Variants in NSMCE2 observed in about 807,000 individuals in gnomAD.
NSMCE2 encodes E3 SUMO-protein ligase NSE2.
In NSMCE2, 24 loss-of-function variants were observed where a neutral mutation model predicts 23.8. The observed-to-expected ratio is 1.01, with a 90% confidence interval of 0.73 to 1.42. The LOEUF is 1.42. Ranked by LOEUF, NSMCE2 falls within the 40% of genes most tolerant of loss-of-function variation. The probability of loss-of-function intolerance (pLI) is 0.00; values close to 1 mark genes in which losing one functional copy is unlikely to be tolerated. For synonymous variants in NSMCE2, 92 were observed against 94.1 expected, an observed-to-expected ratio of 0.98 and a Z score of 0.13; for missense variants, 284 against 296.5, an observed-to-expected ratio of 0.96 and a Z score of 0.31.
At chr8:125,104,772 C>T (rs541520334) in intron 3 of NSMCE2, among the ~76,000 whole-genome samples, 34 of 152,278 alleles carry the variant, frequency 2.2e-4, no homozygotes, top group African/African-American at 7.5e-4. Flanking sequence ...CATGGTGGCT[C>T]CTACCTGTAA....
At chr8:125,272,277 G>A (rs1344462258) in intron 5 of NSMCE2, among the ~76,000 whole-genome samples, 1 of 151,984 alleles carries the variant, frequency 6.6e-6, no homozygotes, top group Non-Finnish European at 1.5e-5. Context: ...GCCTCCCAAA[G>A]TGCTGGGATT....
At chr8:125,365,767 G>A (rs1343425181) in intron 7 of NSMCE2, among the ~76,000 whole-genome samples, 1 of 152,176 alleles carries the variant, frequency 6.6e-6, no homozygotes, top group African/African-American at 2.4e-5. Flanking sequence ...TGATGCAGGA[G>A]AATTGCTTGA....
At chr8:125,327,815 A>G (rs748026811) in intron 5 of NSMCE2, among the ~76,000 whole-genome samples, 1 of 152,210 alleles carries the variant, frequency 6.6e-6, no homozygotes, top group Non-Finnish European at 1.5e-5. Flanking sequence ...GCATGACTGT[A>G]TTAGGTAACT....
rs142602692 is a variant in NSMCE2 at position 125,290,085 on chromosome 8, T to C, written c.419-67134T>C. 5.2e-3 allele frequency among the ~76,000 whole-genome samples: 797 copies of C among 152,266 alleles called. 5 individuals are homozygous for C. Among genetic ancestry groups the C allele is most frequent in the African/African-American group, 0.018 (767 of 41,540 alleles). On this transcript the variant is annotated intron_variant, in intron 5 of 7. Coordinates refer to ENST00000287437, the MANE Select transcript of NSMCE2 (RefSeq NM_173685.4). ...ACTAGTGAGGAAAATGGGGAACTTC[T>C]AGACAAGCACCTGAGAAGCATTATT...
In NSMCE2 at chr8:125,272,014, C is replaced by CTTTT. The variant is rs563967898; in HGVS notation, c.419-85191_419-85188dup. On this transcript the variant is annotated intron_variant, in intron 5 of 7. Transcript: ENST00000287437. Reference sequence around the variant, plus strand: ...TGAATATTGAATCTGCAGTTTCTTTCTTTTTTTTTTTTTTTTTGAGACGGA... The same window carrying CTTTT: ...TGAATATTGAATCTGCAGTTTCTTTCTTTTTTTTTTTTTTTTTTTTTGAGACGGA... Among the ~76,000 whole-genome samples, 293 of 130,140 alleles carry CTTTT rather than the reference C, an allele frequency of 2.3e-3. 6 individuals are homozygous for CTTTT. Among genetic ancestry groups the CTTTT allele is most frequent in the African/African-American group, 7.6e-3 (263 of 34,410 alleles). The allele number at this position is 130,140 out of a possible 152,430, so 85.4% of individuals were successfully genotyped here. A position where few individuals can be genotyped will look rare whatever the true frequency, so the allele number is the denominator to read the frequency against.
intron 5 of NSMCE2, among the ~76,000 whole-genome samples, chr8:125,197,383 A>G (rs989447398): frequency 7.9e-5 from 12 of 152,206 alleles, no homozygotes; most frequent in Non-Finnish European, 1.0e-4. Flanking sequence ...TATAAGGTGT[A>G]AGGAAGGGAT....
At chr8:125,113,128 T>C (rs963628591) in intron 3 of NSMCE2, among the ~76,000 whole-genome samples, 2 of 151,960 alleles carry the variant, frequency 1.3e-5, no homozygotes, top group African/African-American at 4.8e-5. Context: ...TCTTTTTTGC[T>C]GATATCTTTG....
chr8:125,098,971 T>A (rs557151750), intron 1 of NSMCE2, among the ~76,000 whole-genome samples: 6 of 152,104 alleles, frequency 3.9e-5, no homozygotes, highest in Non-Finnish European at 7.3e-5. Flanking sequence ...CCACCTATAC[T>A]ACAGTTTTGG....
At chr8:125,145,201 C>T (rs1158893116) in intron 3 of NSMCE2, among the ~76,000 whole-genome samples, 1 of 152,166 alleles carries the variant, frequency 6.6e-6, no homozygotes, top group East Asian at 1.9e-4. Context: ...AGTAGCCCTT[C>T]CTGGTTTGAA....
chr8:125,267,275 A>G (rs1826962007), intron 5 of NSMCE2, among the ~76,000 whole-genome samples: 1 of 152,048 alleles, frequency 6.6e-6, no homozygotes, highest in South Asian at 2.1e-4. Flanking sequence ...TCCAAATGCT[A>G]GGATTACAGG....
chr8:125,192,581 T>G (rs1253375979), intron 5 of NSMCE2, among the ~76,000 whole-genome samples: 3 of 152,228 alleles, frequency 2.0e-5, no homozygotes, highest in African/African-American at 7.2e-5. Context: ...AGAAATGCAT[T>G]GTTGGTGAAC....
At chr8:125,306,436 C>T (rs1400738262) in intron 5 of NSMCE2, among the ~76,000 whole-genome samples, 5 of 152,004 alleles carry the variant, frequency 3.3e-5, no homozygotes, top group Admixed American at 2.6e-4. Flanking sequence ...ATTTAAATTT[C>T]TCTATCTCTC....
At chr8:125,294,765 T>C (rs575063925) in intron 5 of NSMCE2, among the ~76,000 whole-genome samples, 2 of 152,290 alleles carry the variant, frequency 1.3e-5, no homozygotes, top group East Asian at 1.9e-4. Flanking sequence ...TCTGGGAAAT[T>C]TGTTTTGCGC....
intron 5 of NSMCE2, among the ~76,000 whole-genome samples, chr8:125,314,204 G>A (rs12549738): frequency 0.44 from 66,906 of 152,126 alleles, 16,950 homozygotes; most frequent in East Asian, 0.55. Context: ...AAAAGCTTAT[G>A]CAAATCCCAT....
chr8:125,177,714 G>T (rs1456649028), intron 4 of NSMCE2, among the ~76,000 whole-genome samples: 1 of 152,124 alleles, frequency 6.6e-6, no homozygotes, highest in African/African-American at 2.4e-5. Flanking sequence ...AAGCTCACTT[G>T]CATCATTTTC....
chr8:125,213,794 G>A (rs1029066824), intron 5 of NSMCE2, among the ~76,000 whole-genome samples: 2 of 143,806 alleles, frequency 1.4e-5, no homozygotes, highest in East Asian at 4.2e-4. Flanking sequence ...ATTCTGAAAT[G>A]TGAGTTTTGT....
chr8:125,314,612 C>T (rs556558154), intron 5 of NSMCE2, among the ~76,000 whole-genome samples: 1 of 152,170 alleles, frequency 6.6e-6, no homozygotes, highest in Non-Finnish European at 1.5e-5. Context: ...TTTAGACACT[C>T]GATCACTCCC....
intron 5 of NSMCE2, among the ~76,000 whole-genome samples, chr8:125,283,051 T>C (rs1827755376): frequency 6.6e-6 from 1 of 152,266 alleles, no homozygotes. Flanking sequence ...GGGTATATTA[T>C]GTAACCTCTC....
intron 3 of NSMCE2, among the ~76,000 whole-genome samples, chr8:125,150,223 A>T (rs537042445): frequency 1.2e-4 from 19 of 152,230 alleles, no homozygotes; most frequent in Admixed American, 5.2e-4. Flanking sequence ...GTTCATCTTT[A>T]TACAAAGAGT....
Sources: gnomAD v4.1 joint callset for allele counts (sites outside exome capture counted in the v4.1 genomes callset) on GRCh38, gnomAD v4.1.1 for gene constraint, MANE v1.5 for transcripts, NCBI Gene and HGNC (gene_info 2026-07-23, HGNC 2026-07-21) for gene names.